Variants in CACNB2 observed in about 807,000 individuals in gnomAD.
CACNB2 encodes the protein voltage-dependent L-type calcium channel subunit beta-2.
Under a neutral mutation model 73.3 loss-of-function variants are expected in CACNB2, and 42 were observed. That is an observed-to-expected ratio of 0.57 (90% CI 0.45 to 0.74). CACNB2 has a LOEUF of 0.74. Ranked by LOEUF, CACNB2 falls within the 30% of genes least tolerant of loss-of-function variation. The pLI is 0.00. For missense variants in CACNB2, 940 were observed against 853.0 expected, an observed-to-expected ratio of 1.10 and a Z score of -1.27; for synonymous variants, 348 against 310.3, an observed-to-expected ratio of 1.12 and a Z score of -1.28.
intron 2 of CACNB2, among the ~76,000 whole-genome samples, chr10:18,385,470 T>C (rs930876067): frequency 1.5e-5 from 2 of 135,840 alleles, no homozygotes; most frequent in African/African-American, 2.8e-5. Context: ...AATGCACTTA[T>C]CAAAAAATTA....
At chr10:18,186,032 T>C (rs922542871) in intron 2 of CACNB2, among the ~76,000 whole-genome samples, 7 of 152,188 alleles carry the variant, frequency 4.6e-5, no homozygotes, top group African/African-American at 1.7e-4. Flanking sequence ...CACAAATGTA[T>C]ATTTGAATAA....
chr10:18,394,867 G>A (rs761645369), intron 2 of CACNB2, among the ~76,000 whole-genome samples: 4 of 152,092 alleles, frequency 2.6e-5, no homozygotes, highest in Admixed American at 6.6e-5. Flanking sequence ...CACTCTTTTA[G>A]CCTCTAAGTA....
At chr10:18,389,906 A>C (rs777953104) in intron 2 of CACNB2, among the ~76,000 whole-genome samples, 1 of 152,134 alleles carries the variant, frequency 6.6e-6, no homozygotes, top group Non-Finnish European at 1.5e-5. Context: ...TTTTTCGTGA[A>C]TTTTCTATTA....
At chr10:18,491,819 TAAAA>T (rs68179779) in intron 3 of CACNB2, among the ~76,000 whole-genome samples, 22 of 65,598 alleles carry the variant, frequency 3.4e-4, no homozygotes, top group African/African-American at 7.0e-4. Context: ...TCAAGTTGGT[TAAAA>T]AAAAAAAAAA....
intron 3 of CACNB2, among the ~76,000 whole-genome samples, chr10:18,425,321 C>A (rs534688396): frequency 1.3e-5 from 2 of 152,080 alleles, no homozygotes; most frequent in African/African-American, 4.8e-5. Context: ...CAATCAAGTC[C>A]GATGTATCTA....
At chr10:18,245,820 G>A (rs747708411) in intron 2 of CACNB2, among the ~76,000 whole-genome samples, 2 of 152,024 alleles carry the variant, frequency 1.3e-5, no homozygotes, top group African/African-American at 4.8e-5. Context: ...GTATGGGGTG[G>A]GAAGTGTTCC....
intron 3 of CACNB2, among the ~76,000 whole-genome samples, chr10:18,402,384 C>T (rs1283334964): frequency 4.3e-5 from 3 of 70,056 alleles, no homozygotes; most frequent in African/African-American, 7.6e-5. Flanking sequence ...AACTATATCT[C>T]TGTTAAGAAA....
At chr10:18,192,618 T>C (rs530890185) in intron 2 of CACNB2, among the ~76,000 whole-genome samples, 49 of 152,306 alleles carry the variant, frequency 3.2e-4, no homozygotes, top group Non-Finnish European at 5.4e-4. Flanking sequence ...GTAAAATTCC[T>C]TACCCATTAA....
chr10:18,179,225 G>C (rs1380250533), intron 2 of CACNB2, among the ~76,000 whole-genome samples: 1 of 152,064 alleles, frequency 6.6e-6, no homozygotes, highest in South Asian at 2.1e-4. Flanking sequence ...ACATATATGA[G>C]GAAGTCTGGA....
At chr10:18,435,282 G>A (rs1179866927) in intron 3 of CACNB2, among the ~76,000 whole-genome samples, 1 of 152,136 alleles carries the variant, frequency 6.6e-6, no homozygotes, top group Non-Finnish European at 1.5e-5. Flanking sequence ...GCATAGTGCC[G>A]AGCTGACAAT....
intron 2 of CACNB2, among the ~76,000 whole-genome samples, chr10:18,329,617 C>T (rs1035599617): frequency 3.3e-5 from 5 of 151,450 alleles, no homozygotes; most frequent in African/African-American, 1.2e-4. Flanking sequence ...ACTAAGTGTG[C>T]GTTTAGAAAG....
chr10:18,514,948 T>C, intron 7 of CACNB2: 2 of 1,525,874 alleles, frequency 1.3e-6, no homozygotes, highest in Admixed American at 1.7e-5. Flanking sequence ...CAAGTTTTAA[T>C]TTAGTCAGTA....
chr10:18,197,591 G>A (rs1056683141), intron 2 of CACNB2, among the ~76,000 whole-genome samples: 1 of 152,094 alleles, frequency 6.6e-6, no homozygotes, highest in African/African-American at 2.4e-5. Flanking sequence ...CATCTTAAGA[G>A]GGCGCTTTTC....
At chr10:18,281,439 A>G (rs1163207917) in intron 2 of CACNB2, among the ~76,000 whole-genome samples, 1 of 152,212 alleles carries the variant, frequency 6.6e-6, no homozygotes, top group Non-Finnish European at 1.5e-5. Context: ...AATTAGTAAG[A>G]CAACTAACAA....
At chr10:18,435,894 G>T (rs1382087806) in intron 3 of CACNB2, among the ~76,000 whole-genome samples, 2 of 152,114 alleles carry the variant, frequency 1.3e-5, no homozygotes, top group Non-Finnish European at 2.9e-5. Context: ...AAATTATTGA[G>T]ATCTACACAG....
intron 2 of CACNB2, among the ~76,000 whole-genome samples, chr10:18,388,848 A>G (rs1446418909): frequency 6.6e-6 from 1 of 152,136 alleles, no homozygotes; most frequent in African/African-American, 2.4e-5. Context: ...TTCCCATAGC[A>G]ACCTTTACTT....
At chr10:18,164,950 T>C (rs1242761981) in intron 2 of CACNB2, among the ~76,000 whole-genome samples, 1 of 152,170 alleles carries the variant, frequency 6.6e-6, no homozygotes, top group Non-Finnish European at 1.5e-5. Flanking sequence ...TCATTCATTT[T>C]TTTTCACCAA....
At position 18,195,246 on chromosome 10, in the gene CACNB2, G is replaced by A. The variant is rs1564334370; in HGVS notation, c.213+44271G>A. On this transcript the variant is annotated intron_variant, in intron 2 of 13. Coordinates refer to ENST00000324631, the MANE Select transcript of CACNB2 (RefSeq NM_201596.3). The stretch of plus-strand genomic sequence containing the variant: ...AAGTGCATATTTTGAGGCTTTACAT[G>A]CCACAGGAGAAGTTCCAATGTAAAC... Among the ~76,000 whole-genome samples, 7 of 152,274 alleles carry A rather than the reference G, an allele frequency of 4.6e-5. No individual in the cohort carries two copies. The South Asian group carries it at 1.5e-3, about 32-fold the overall frequency.
intron 2 of CACNB2, among the ~76,000 whole-genome samples, chr10:18,274,840 A>G (rs2038210087): frequency 1.3e-5 from 2 of 152,194 alleles, no homozygotes; most frequent in African/African-American, 4.8e-5. Flanking sequence ...TTCAAAGGGA[A>G]AAACCATCAG....
Sources: allele counts gnomAD v4.1 joint callset (sites outside exome capture counted in the v4.1 genomes callset), GRCh38; gene constraint gnomAD v4.1.1; transcripts MANE v1.5; gene names NCBI Gene and HGNC (gene_info 2026-07-23, HGNC 2026-07-21).